The following UPK1B variants were observed in gnomAD, a reference collection of about 807,000 sequenced individuals.
UPK1B encodes the protein uroplakin 1B.
A neutral mutation model predicts 34.2 loss-of-function variants in UPK1B; 28 were observed. The ratio of observed to expected loss-of-function variants is 0.82; its 90% CI spans 0.61 to 1.12. The LOEUF is 1.12. UPK1B is among the 50% of genes most tolerant of loss of function. The probability of loss-of-function intolerance (pLI) is 0.00; values close to 1 mark genes in which losing one functional copy is unlikely to be tolerated. For synonymous variants in UPK1B, 81 were observed against 110.4 expected, an observed-to-expected ratio of 0.73 and a Z score of 1.67; for missense variants, 325 against 320.9, an observed-to-expected ratio of 1.01 and a Z score of -0.10.
At chr3:119,181,380 C>G (rs941443777) in intron 1 of UPK1B, among the ~76,000 whole-genome samples, 1 of 152,212 alleles carries the variant, frequency 6.6e-6, no homozygotes, top group African/African-American at 2.4e-5. Context: ...TAGCTCTAGT[C>G]TGTCTCCTTT....
chr3:119,192,594 T>G (rs2078049260), intron 5 of UPK1B, among the ~76,000 whole-genome samples: 1 of 152,152 alleles, frequency 6.6e-6, no homozygotes, highest in Non-Finnish European at 1.5e-5. Flanking sequence ...TGACCCGACC[T>G]CATATGTTTT....
At chr3:119,198,707 C>T (rs1003152902) in intron 6 of UPK1B, among the ~76,000 whole-genome samples, 3 of 152,120 alleles carry the variant, frequency 2.0e-5, no homozygotes, top group Admixed American at 6.5e-5. Flanking sequence ...AAATCACCAA[C>T]GAAGCCTTTG....
chr3:119,179,799 G>A (rs1368970626), intron 1 of UPK1B, among the ~76,000 whole-genome samples: 1 of 118,808 alleles, frequency 8.4e-6, no homozygotes. Flanking sequence ...GAGCCACCAC[G>A]CCCGGCTTTT....
chr3:119,174,888 A>G (rs1196837479), intron 1 of UPK1B, among the ~76,000 whole-genome samples: 1 of 88,932 alleles, frequency 1.1e-5, no homozygotes, highest in Non-Finnish European at 2.5e-5. Context: ...AAATCAACTC[A>G]CCTATTTTTT....
At chr3:119,195,091 A>G (rs1375286470) in intron 6 of UPK1B, among the ~76,000 whole-genome samples, 1 of 152,226 alleles carries the variant, frequency 6.6e-6, no homozygotes, top group Non-Finnish European at 1.5e-5. Flanking sequence ...TTAGACGTAG[A>G]GATACTAATA....
At chr3:119,192,498 ATT>A (rs1219962197) in intron 5 of UPK1B, among the ~76,000 whole-genome samples, 1 of 152,038 alleles carries the variant, frequency 6.6e-6, no homozygotes, top group Non-Finnish European at 1.5e-5. Flanking sequence ...TTCCTAGTAT[ATT>A]TTCCCAGAAA....
chr3:119,200,204 C>T (rs2078085217), intron 7 of UPK1B, among the ~76,000 whole-genome samples: 1 of 152,148 alleles, frequency 6.6e-6, no homozygotes, highest in Non-Finnish European at 1.5e-5. Flanking sequence ...AGGTGCACAC[C>T]ATTGTGCCTG....
intron 6 of UPK1B, among the ~76,000 whole-genome samples, chr3:119,198,338 TTGG>T (rs2107437650): frequency 6.6e-6 from 1 of 152,302 alleles, no homozygotes; most frequent in South Asian, 2.1e-4. Context: ...TCCCAGAGCT[TTGG>T]TAGAGGCTGC....
At position 119,194,248 on chromosome 3, in the gene UPK1B, A is replaced by C. The variant is rs779392092; in HGVS notation, c.498A>C (p.Ser166=). 3.1e-6 allele frequency: 5 copies of C among 1,614,046 alleles called. No homozygotes were observed. The highest frequency in any genetic ancestry group is 1.1e-5 in the South Asian group (1 of 91,068). Residue 166 remains serine (S), a synonymous_variant, in exon 6 of 8, where the codon TCA becomes TCC. Transcript: ENST00000264234. ...ATTGCTGTGGCGTAAATGGTCCATC[A>C]GACTGGCAAAAATACACATCTGCCT... ...QDNCCGVNGP[S]DWQKYTSAFR... is the part of the protein sequence containing the mutation.
intron 1 of UPK1B, among the ~76,000 whole-genome samples, chr3:119,175,542 C>T (rs1036311313): frequency 1.4e-5 from 2 of 147,094 alleles, no homozygotes; most frequent in South Asian, 4.5e-4. Context: ...CCCCCTCCCC[C>T]CCGCCCCAAG....
rs572898143 is a variant in UPK1B at position 119,180,859 on chromosome 3, A to G, written c.-28-5855A>G. On this transcript the variant is annotated intron_variant, in intron 1 of 7. Transcript: ENST00000264234. ...ATGTCACCTTTCCTCTAAGTGTGCC[A>G]GGAAAGCAGCTCTTCCTAAAGATCC... 3.3e-5 allele frequency among the ~76,000 whole-genome samples: 5 copies of G among 152,308 alleles called. No individual in the cohort carries two copies. The East Asian group carries it at 9.6e-4, about 29-fold the overall frequency.
At position 119,204,250 on chromosome 3, in the gene UPK1B, G is replaced by A; in HGVS notation, c.*283G>A. The stretch of plus-strand genomic sequence containing the variant: ...TTCCATCCCTGCTTATTTTTAATTT[G>A]GGAAAATAAATACATTCGAAGGAAC... On this transcript the variant is annotated 3_prime_UTR_variant, in exon 8 of 8. Transcript: ENST00000264234. The A allele has an allele frequency of 2.5e-6, 1 of 394,224 alleles. No homozygotes were observed. Among genetic ancestry groups the A allele is most frequent in the Non-Finnish European group, 4.5e-6 (1 of 219,972 alleles). The allele number at this position is 394,224 out of a possible 1,614,324, so 24.4% of individuals were successfully genotyped here.
chr3:119,179,468 G>A (rs2077977923), intron 1 of UPK1B, among the ~76,000 whole-genome samples: 1 of 135,230 alleles, frequency 7.4e-6, no homozygotes, highest in South Asian at 2.3e-4. Context: ...TACAGCAGGT[G>A]GGCAACCTGA....
chr3:119,191,906 C>T (rs2078046696), intron 5 of UPK1B, among the ~76,000 whole-genome samples: 6 of 152,154 alleles, frequency 3.9e-5, no homozygotes, highest in Admixed American at 3.9e-4. Flanking sequence ...CGTTCTCCTG[C>T]CTTCATTAGG....
intron 1 of UPK1B, among the ~76,000 whole-genome samples, chr3:119,174,404 C>T (rs2077942939): frequency 6.6e-6 from 1 of 152,096 alleles, no homozygotes; most frequent in South Asian, 2.1e-4. Flanking sequence ...TTTATGTTTG[C>T]ATTTGTTTAT....
chr3:119,185,068 T>G (rs2078011402), intron 1 of UPK1B, among the ~76,000 whole-genome samples: 1 of 152,224 alleles, frequency 6.6e-6, no homozygotes, highest in Non-Finnish European at 1.5e-5. Flanking sequence ...ATGAAATTTC[T>G]AAGCAGAAAG....
rs184065476 is a variant in UPK1B at position 119,197,620 on chromosome 3, G to A, written c.649-1437G>A. 5.3e-5 allele frequency among the ~76,000 whole-genome samples: 8 copies of A among 152,288 alleles called. No homozygotes were observed. In the East Asian group the frequency reaches 1.3e-3, roughly 26 times the overall value. On this transcript the variant is annotated intron_variant, in intron 6 of 7. Coordinates refer to ENST00000264234, the MANE Select transcript of UPK1B (RefSeq NM_006952.4). ...CATTCATTCTGTAAATGTTTATTACGTGTCTACTATGTGCCAAGCACTTGT... is the reference window on the plus strand; with the variant it reads ...CATTCATTCTGTAAATGTTTATTACATGTCTACTATGTGCCAAGCACTTGT...
At chr3:119,198,868 A>G (rs2078078442) in intron 6 of UPK1B, among the ~76,000 whole-genome samples, 189 bp from the exon 7 acceptor site, 2 of 152,242 alleles carry the variant, frequency 1.3e-5, no homozygotes, top group Non-Finnish European at 2.9e-5. Flanking sequence ...ATTGTTCAAC[A>G]GTATTGTTTA....
In UPK1B at chr3:119,203,980, G is replaced by T; in HGVS notation, c.*13G>T. 1 of 1,613,564 alleles carries T rather than the reference G, an allele frequency of 6.2e-7. No homozygotes were observed. The highest frequency in any genetic ancestry group is 1.3e-5 in the African/African-American group (1 of 75,022). On this transcript the variant is annotated 3_prime_UTR_variant, in exon 8 of 8. Coordinates refer to ENST00000264234, the MANE Select transcript of UPK1B (RefSeq NM_006952.4). Reference sequence around the variant, plus strand: ...AATTGAATATTAAGCATAAAGTGTTGCCACCATACCTCCTTCCCCGAGTGA... The same window carrying T: ...AATTGAATATTAAGCATAAAGTGTTTCCACCATACCTCCTTCCCCGAGTGA...
Sources: gnomAD v4.1 joint callset for allele counts (sites outside exome capture counted in the v4.1 genomes callset) on GRCh38, gnomAD v4.1.1 for gene constraint, MANE v1.5 for transcripts, NCBI Gene and HGNC (gene_info 2026-07-23, HGNC 2026-07-21) for gene names.